Variants in GFAP observed in about 807,000 individuals in gnomAD.
The protein encoded by GFAP is glial fibrillary acidic protein.
GFAP carries 38 observed loss-of-function variants against 49.3 expected under a neutral mutation model. The observed-to-expected ratio is 0.77, with a 90% CI of 0.60 to 1.01. The LOEUF (loss-of-function observed/expected upper bound fraction) is 1.01. Ranked by LOEUF, GFAP falls within the 50% of genes least tolerant of loss-of-function variation. The pLI is 0.00. For synonymous variants in GFAP, 222 were observed against 236.4 expected, an observed-to-expected ratio of 0.94 and a Z score of 0.56; for missense variants, 463 against 579.1, an observed-to-expected ratio of 0.80 and a Z score of 2.06.
rs965451591 is a variant in GFAP at position 44,903,492 on chromosome 17, C to T, written c.*3855G>A. 7.1e-6 allele frequency: 9 copies of T among 1,274,602 alleles called. No individual in the cohort carries two copies. The highest frequency in any genetic ancestry group is 3.2e-5 in the South Asian group (1 of 31,258). The allele number at this position is 1,274,602 out of a possible 1,614,324, so 79.0% of individuals were successfully genotyped here. A position where few individuals can be genotyped will look rare whatever the true frequency, so the allele number is the denominator to read the frequency against. ...AGCACTGAGGCAGAGATCTCCCTGC[C>T]CGAGCACCTCGGCCCGCCCTTCTCA... is the stretch of plus-strand genomic sequence containing the variant. On this transcript the variant is annotated 3_prime_UTR_variant, in exon 9 of 9. Transcript: ENST00000588735.
chr17:44,903,603 C>T lies in GFAP; in HGVS notation c.*3744G>A. ...GCCAGGTTCTAGAATGGCTTTCCCC[C>T]CCCACCCTGAGATCAGGTCTGGAAT... On this transcript the variant is annotated 3_prime_UTR_variant, in exon 9 of 9. Coordinates refer to ENST00000588735, the MANE Select transcript of GFAP (RefSeq NM_002055.5). 4 of 1,405,566 alleles carry T rather than the reference C, an allele frequency of 2.8e-6. No individual in the cohort carries two copies. Among genetic ancestry groups the T allele is most frequent in the Non-Finnish European group, 3.7e-6 (4 of 1,086,838 alleles). The allele number at this position is 1,405,566 out of a possible 1,614,324, so 87.1% of individuals were successfully genotyped here.
Position 44,903,541 on chromosome 17 carries a change from T to G in GFAP, c.*3806A>C, listed in dbSNP as rs536666860. 7 of 1,351,442 alleles carry G rather than the reference T, an allele frequency of 5.2e-6. No individual in the cohort carries two copies. The highest frequency in any genetic ancestry group is 6.6e-6 in the Non-Finnish European group (7 of 1,058,312). 83.7% of individuals were successfully genotyped at this position (1,351,442 alleles called of 1,614,324 possible). A position where few individuals can be genotyped will look rare whatever the true frequency, so the allele number is the denominator to read the frequency against. On this transcript the variant is annotated 3_prime_UTR_variant, in exon 9 of 9. Coordinates refer to ENST00000588735, the MANE Select transcript of GFAP (RefSeq NM_002055.5). ...CATTCCGGTTTCCTTTGACCCATTC[T>G]TGGGTGAGCGCCAGTGTTCTAGAAA...
chr17:44,913,411 TC>T lies in GFAP; in HGVS notation c.637del (p.Glu213SerfsTer23). The T allele has an allele frequency of 6.2e-7, 1 of 1,614,116 alleles. No homozygotes were observed. The highest frequency in any genetic ancestry group is 8.5e-7 in the Non-Finnish European group (1 of 1,180,016). ...IHEEEVRELQEQLARQQVHVE... is the reference protein window; with the variant it reads ...IHEEEVRELQXQLARQQVHVE... ...ATGGACCTGCTGTCGGGCCAGCTGCTCCTGGAGTTCCCGAACCTCCTGACCA... is the reference window on the plus strand; with the variant it reads ...ATGGACCTGCTGTCGGGCCAGCTGCTCTGGAGTTCCCGAACCTCCTGACCA... On this transcript the variant is annotated frameshift_variant, in exon 4 of 9. Transcript: ENST00000588735. LOFTEE classifies it high-confidence loss of function.
Position 44,903,605 on chromosome 17 carries a change from C to G in GFAP, c.*3742G>C, listed in dbSNP as rs149641635. On this transcript the variant is annotated 3_prime_UTR_variant, in exon 9 of 9. Coordinates refer to ENST00000588735, the MANE Select transcript of GFAP (RefSeq NM_002055.5). ...CAGGTTCTAGAATGGCTTTCCCCCCCCACCCTGAGATCAGGTCTGGAATGT... is the reference window on the plus strand; with the variant it reads ...CAGGTTCTAGAATGGCTTTCCCCCCGCACCCTGAGATCAGGTCTGGAATGT... 6.0e-4 allele frequency: 844 copies of G among 1,404,998 alleles called. 4 individuals carry two copies. In the African/African-American group the frequency reaches 0.011, roughly 18 times the overall value. The allele number at this position is 1,404,998 out of a possible 1,614,324, so 87.0% of individuals were successfully genotyped here.
chr17:44,914,067 C>A lies in GFAP; in HGVS notation c.483G>T (p.Leu161=). Residue 161 remains leucine, a synonymous_variant, in exon 2 of 9, where the codon CTG becomes CTT. Transcript: ENST00000588735. Reference sequence around the variant, plus strand: ...CCAGGTTGTTCTCGGCTTCCAGCCTCAGGTTGGTTTCATCCTGGAGCCTGG... The same window carrying A: ...CCAGGTTGTTCTCGGCTTCCAGCCTAAGGTTGGTTTCATCCTGGAGCCTGG... ...VRQKLQDETN[L]RLEAENNLAA... 2 of 1,556,780 alleles carry A rather than the reference C, an allele frequency of 1.3e-6. No homozygotes were observed. Among genetic ancestry groups the A allele is most frequent in the Non-Finnish European group, 1.7e-6 (2 of 1,149,520 alleles).
Position 44,910,609 on chromosome 17 carries a change from A to G in GFAP, c.1171+6T>C, listed in dbSNP as rs750719365. 1.3e-6 allele frequency: 2 copies of G among 1,574,388 alleles called. No homozygotes were observed. Among genetic ancestry groups the G allele is most frequent in the East Asian group, 2.3e-5 (1 of 43,740 alleles). On this transcript the variant is annotated splice_donor_region_variant and intron_variant, in intron 7 of 8. Transcript: ENST00000588735. ...TGCCCTTCCCACGAGGCCCTGCTGT[A>G]CTGACCTCGAATCTGCAGGTTGGAG... is the stretch of plus-strand genomic sequence containing the variant.
In GFAP at chr17:44,904,765, C is replaced by A; in HGVS notation, c.*2582G>T. 1.3e-6 allele frequency: 2 copies of A among 1,550,642 alleles called. No individual in the cohort carries two copies. The highest frequency in any genetic ancestry group is 1.4e-5 in the African/African-American group (1 of 73,162). On this transcript the variant is annotated 3_prime_UTR_variant, in exon 9 of 9. Transcript: ENST00000588735. ...GCCAGCACCTCTACCGCACACAGTACCTGAAGGGTGTCAACAGGTCCATGA... is the reference window on the plus strand; with the variant it reads ...GCCAGCACCTCTACCGCACACAGTAACTGAAGGGTGTCAACAGGTCCATGA...
In GFAP at chr17:44,905,209, T is replaced by A; in HGVS notation, c.*2138A>T. 1.4e-6 allele frequency: 1 copy of A among 696,308 alleles called. No homozygotes were observed. Among genetic ancestry groups the A allele is most frequent in the Non-Finnish European group, 2.4e-6 (1 of 412,006 alleles). 43.1% of individuals were successfully genotyped at this position (696,308 alleles called of 1,614,324 possible). ...AATCTGTTACAGCCTGCTCCCCATTTTCATGGGCAGGTCTGGGACCTGATC... is the reference window on the plus strand; with the variant it reads ...AATCTGTTACAGCCTGCTCCCCATTATCATGGGCAGGTCTGGGACCTGATC... On this transcript the variant is annotated 3_prime_UTR_variant, in exon 9 of 9. Coordinates refer to ENST00000588735, the MANE Select transcript of GFAP (RefSeq NM_002055.5).
rs2094373444 is a variant in GFAP at position 44,905,027 on chromosome 17, T to TG, written c.*2319dup. 6.5e-7 allele frequency: 1 copy of TG among 1,549,690 alleles called. No individual in the cohort carries two copies. On this transcript the variant is annotated 3_prime_UTR_variant, in exon 9 of 9. Coordinates refer to ENST00000588735, the MANE Select transcript of GFAP (RefSeq NM_002055.5). ...CTTTGTCACCATTCACTTCTGTCGTTGCTGCTGCTACTTATTTCACTGTTG... is the reference window on the plus strand; with the variant it reads ...CTTTGTCACCATTCACTTCTGTCGTTGGCTGCTGCTACTTATTTCACTGTTG...
chr17:44,903,447 G>C lies in GFAP; in HGVS notation c.*3900C>G. The C allele has an allele frequency of 8.0e-7, 1 of 1,252,510 alleles. No individual in the cohort carries two copies. Among genetic ancestry groups the C allele is most frequent in the Middle Eastern group, 3.1e-4 (1 of 3,242 alleles). The allele number at this position is 1,252,510 out of a possible 1,614,324, so 77.6% of individuals were successfully genotyped here. A position where few individuals can be genotyped will look rare whatever the true frequency, so the allele number is the denominator to read the frequency against. On this transcript the variant is annotated 3_prime_UTR_variant, in exon 9 of 9. Coordinates refer to ENST00000588735, the MANE Select transcript of GFAP (RefSeq NM_002055.5). The stretch of plus-strand genomic sequence containing the variant: ...GGTTGATGAAAGACTTTTCCACCAG[G>C]CTGGCAGGGCAGGGCCTGGAGCACT...
chr17:44,910,228 T>G, intron 7 of GFAP: 3 of 1,613,982 alleles, frequency 1.9e-6, no homozygotes, highest in Non-Finnish European at 2.5e-6. Context: ...CTTGTGACCT[T>G]GTGATTTTCC....
Position 44,914,013 on chromosome 17 carries a change from C to T in GFAP, c.522+15G>A, listed in dbSNP as rs552120023. The T allele has an allele frequency of 1.2e-5, 19 of 1,546,030 alleles. No homozygotes were observed. The African/African-American group carries it at 2.3e-4, about 19-fold the overall frequency. On this transcript the variant is annotated intron_variant, in intron 2 of 8. Transcript: ENST00000588735. Reference sequence around the variant, plus strand: ...CTTTCCTCCCTCCCCTGCCCCTCCCCTCCACCTCCCTGACCTGTCTATAGG... The same window carrying T: ...CTTTCCTCCCTCCCCTGCCCCTCCCTTCCACCTCCCTGACCTGTCTATAGG...
intron 4 of GFAP, 147 bp from the exon 5 acceptor site, chr17:44,911,944 G>C: frequency 1.1e-6 from 1 of 876,348 alleles, no homozygotes; most frequent in Non-Finnish European, 1.8e-6. Context: ...CCATGGATGC[G>C]GGCAGGGTAG....
chr17:44,903,920 C>T lies in GFAP; in HGVS notation c.*3427G>A, dbSNP rs1268355141. On this transcript the variant is annotated 3_prime_UTR_variant, in exon 9 of 9. Transcript: ENST00000588735. The stretch of plus-strand genomic sequence containing the variant: ...GAAGGAAAACATTTTTCAGAGGACC[C>T]CCTGCCCTGCTTTCCTGATGTTTGA... The T allele has an allele frequency of 1.3e-6, 2 of 1,550,562 alleles. No individual in the cohort carries two copies. The highest frequency in any genetic ancestry group is 2.0e-5 in the Admixed American group (1 of 50,984).
At chr17:44,907,604 C>T (rs1231245135) in intron 8 of GFAP, 1 of 630,150 alleles carries the variant, frequency 1.6e-6, no homozygotes, top group African/African-American at 1.8e-5. Context: ...TGGTAAGCTG[C>T]TGGAGTAAGA....
At position 44,910,154 on chromosome 17, in the gene GFAP, C is replaced by G. The variant is rs958502694; in HGVS notation, c.1171+461G>C. 19 of 1,613,832 alleles carry G rather than the reference C, an allele frequency of 1.2e-5. No individual in the cohort carries two copies. The highest frequency in any genetic ancestry group is 1.5e-5 in the Non-Finnish European group (18 of 1,179,848). On this transcript the variant is annotated intron_variant, in intron 7 of 8. Transcript: ENST00000588735. ...CAGGCAGCTAACCGCGAGCCGGCGG[C>G]GTTCCATTTACAATCTGGTGAGCCT...
At chr17:44,912,192 C>T (rs2051790127) in intron 4 of GFAP, among the ~76,000 whole-genome samples, 2 of 152,058 alleles carry the variant, frequency 1.3e-5, no homozygotes, top group South Asian at 2.1e-4. Context: ...GGCACAATCC[C>T]GGGTCACTGC....
intron 1 of GFAP, chr17:44,914,786 G>A: frequency 1.7e-6 from 1 of 576,932 alleles, no homozygotes; most frequent in Admixed American, 3.1e-5. Context: ...CCCCAGTAGG[G>A]AGGTGCTGAG....
chr17:44,907,585 C>A (rs2145625560), intron 8 of GFAP, 197 bp from the exon 9 acceptor site: 1 of 648,660 alleles, frequency 1.5e-6, no homozygotes, highest in East Asian at 2.8e-5. Context: ...TAGCGTCATG[C>A]CTGGCGAGTG....
Sources: gnomAD v4.1 joint callset for allele counts (sites outside exome capture counted in the v4.1 genomes callset) on GRCh38, gnomAD v4.1.1 for gene constraint, MANE v1.5 for transcripts, NCBI Gene and HGNC (gene_info 2026-07-23, HGNC 2026-07-21) for gene names.